DNAH10: variants seen among roughly 807,000 people sequenced by gnomAD.
The protein encoded by DNAH10 is dynein axonemal heavy chain 10.
DNAH10 carries 348 observed loss-of-function variants against 506.6 expected under a neutral mutation model. The observed-to-expected ratio is 0.69, with a 90% CI of 0.63 to 0.75. The LOEUF (loss-of-function observed/expected upper bound fraction) is 0.75, where lower values mean the gene tolerates loss of function less well. DNAH10 is among the 30% of genes least tolerant of loss of function. DNAH10 has a pLI of 0.00. For synonymous variants in DNAH10, 2,059 were observed against 2,198.6 expected, an observed-to-expected ratio of 0.94 and a Z score of 1.78; for missense variants, 5,179 against 5,787.1, an observed-to-expected ratio of 0.89 and a Z score of 3.41.
chr12:123,857,543 C>T (rs780492342), intron 37 of DNAH10, among the ~76,000 whole-genome samples: 5 of 152,086 alleles, frequency 3.3e-5, no homozygotes, highest in African/African-American at 9.7e-5. Context: ...TCCTGGCCAA[C>T]GTGGAGAAAC....
Position 123,781,305 on chromosome 12 carries a change from G to A in DNAH10, c.841+6G>A, listed in dbSNP as rs374332886. ...AACCATGCAGCAACTTGAAGGTAAG[G>A]TTTCATTTTCCTCCTTTTTAGTTAA... On this transcript the variant is annotated splice_donor_region_variant and intron_variant, in intron 6 of 78. Transcript: ENST00000673944. 68 of 1,606,466 alleles carry A rather than the reference G, an allele frequency of 4.2e-5. No homozygotes were observed. The highest frequency in any genetic ancestry group is 1.1e-5 in the South Asian group (1 of 90,246).
Position 123,866,229 on chromosome 12 carries a change from C to CTTTTTTTTTTTTTTTT in DNAH10, c.7167+172_7167+187dup, listed in dbSNP as rs71088963. ...AATAAGTGAAAACATGGCAGACACA[C>CTTTTTTTTTTTTTTTT]TTTTTTTTTTTTTTTTTTTTTTTTT... On this transcript the variant is annotated intron_variant, in intron 41 of 78. Transcript: ENST00000673944. 5.2e-5 allele frequency among the ~76,000 whole-genome samples: 3 copies of CTTTTTTTTTTTTTTTT among 58,210 alleles called. 1 individual carries two copies. The highest frequency in any genetic ancestry group is 9.3e-5 in the Non-Finnish European group (3 of 32,270). 38.2% of individuals were successfully genotyped at this position (58,210 alleles called of 152,430 possible).
chr12:123,801,014 C>G (rs1387409145), intron 15 of DNAH10, among the ~76,000 whole-genome samples: 5 of 150,510 alleles, frequency 3.3e-5, no homozygotes, highest in Admixed American at 3.3e-4. Flanking sequence ...GAGACTCCAT[C>G]TCAAAAAAAA....
intron 57 of DNAH10, among the ~76,000 whole-genome samples, chr12:123,904,494 T>C (rs777305808): frequency 6.6e-6 from 1 of 151,870 alleles, no homozygotes; most frequent in South Asian, 2.1e-4. Flanking sequence ...GAACGGTGAG[T>C]CCCTTCCATC....
chr12:123,914,935 G>T lies in DNAH10; in HGVS notation c.10658G>T (p.Cys3553Phe), dbSNP rs1440328732. ...ACCCGGGCCAGCCGCTTCCCTCTGTGTATCGACCCCCAGCAGCAGGCCCTC... is the reference window on the plus strand; with the variant it reads ...ACCCGGGCCAGCCGCTTCCCTCTGTTTATCGACCCCCAGCAGCAGGCCCTC... ...LTTRASRFPL[C>F]IDPQQQALNW... Residue 3553 changes from cysteine (C) to phenylalanine (F), a missense_variant, in exon 62 of 79, where the codon TGT becomes TTT. Transcript: ENST00000673944. 5.6e-6 allele frequency: 9 copies of T among 1,612,624 alleles called. No individual in the cohort carries two copies. Among genetic ancestry groups the T allele is most frequent in the Non-Finnish European group, 7.6e-6 (9 of 1,179,420 alleles).
At chr12:123,774,457 T>C (rs1321423326) in intron 5 of DNAH10, among the ~76,000 whole-genome samples, 193 bp downstream of exon 5, 1 of 151,972 alleles carries the variant, frequency 6.6e-6, no homozygotes, top group Non-Finnish European at 1.5e-5. Flanking sequence ...CACACAGAAA[T>C]ATAAAGGTGT....
At position 123,925,436 on chromosome 12, in the gene DNAH10, T is replaced by A. The variant is rs1954901561; in HGVS notation, c.11921+232T>A. The A allele has an allele frequency of 7.0e-6, 3 of 429,526 alleles. No individual in the cohort carries two copies. The highest frequency in any genetic ancestry group is 1.2e-5 in the Non-Finnish European group (3 of 248,960). The allele number at this position is 429,526 out of a possible 1,614,324, so 26.6% of individuals were successfully genotyped here. A position where few individuals can be genotyped will look rare whatever the true frequency, so the allele number is the denominator to read the frequency against. On this transcript the variant is annotated intron_variant, in intron 68 of 78. Transcript: ENST00000673944. The surrounding 1 kb of genome is among the most constrained non-coding windows in gnomAD (Gnocchi z 4.0). ...ATGCAGTTTCGAAAGTTCTAGTAGC[T>A]ACATTAGAAAAGAAATGGGCGCAAT...
intron 6 of DNAH10, among the ~76,000 whole-genome samples, chr12:123,782,046 G>T (rs1957673650): frequency 6.6e-6 from 1 of 152,072 alleles, no homozygotes; most frequent in South Asian, 2.1e-4. Flanking sequence ...TGAAATTCCT[G>T]CTGGATGGAT....
Position 123,835,498 on chromosome 12 carries a change from G to A in DNAH10, c.4872G>A (p.Lys1624=). The change falls in exon 28 of 79, where the codon AAG becomes AAA. Residue 1624 remains lysine, a synonymous_variant. Transcript: ENST00000673944. ...IRSQLPEEAK[K]FDNIDKVFKR... ...CACAACTTCCGGAAGAGGCAAAAAA[G>A]TTTGACAACATCGATAAAGTATTTA... The A allele has an allele frequency of 6.2e-7, 1 of 1,608,424 alleles. No homozygotes were observed. The highest frequency in any genetic ancestry group is 8.5e-7 in the Non-Finnish European group (1 of 1,177,166).
intron 21 of DNAH10, among the ~76,000 whole-genome samples, chr12:123,816,941 ATACT>A (rs1158169802): frequency 6.6e-6 from 1 of 152,140 alleles, no homozygotes; most frequent in Non-Finnish European, 1.5e-5. Context: ...CTCCTTACAA[ATACT>A]TAGTTTGTTG....
chr12:123,795,738 G>A (rs116567633), intron 12 of DNAH10, among the ~76,000 whole-genome samples: 2,196 of 152,198 alleles, frequency 0.014, 55 homozygotes, highest in African/African-American at 0.05. Flanking sequence ...TTTGGGAGGC[G>A]AGGCCATCAT....
At chr12:123,918,444 C>A (rs1000166185) in intron 64 of DNAH10, among the ~76,000 whole-genome samples, 1 of 152,218 alleles carries the variant, frequency 6.6e-6, no homozygotes, top group African/African-American at 2.4e-5. Flanking sequence ...AGGGCAGTAC[C>A]GGAGACTTAC....
intron 56 of DNAH10, 54 bp downstream of exon 56, chr12:123,898,868 A>G: frequency 6.6e-7 from 1 of 1,526,292 alleles, no homozygotes; most frequent in Non-Finnish European, 8.8e-7. Context: ...TACCCACCGT[A>G]GGTGAGTGAG....
intron 15 of DNAH10, among the ~76,000 whole-genome samples, chr12:123,800,795 GAT>G (rs1467721106): frequency 6.6e-6 from 1 of 152,120 alleles, no homozygotes; most frequent in East Asian, 1.9e-4. Flanking sequence ...GAGGCGGGCA[GAT>G]CATGAGGTCA....
chr12:123,796,572 GT>G, intron 12 of DNAH10, 83 bp from the exon 13 acceptor site: 1 of 1,300,744 alleles, frequency 7.7e-7, no homozygotes, highest in Non-Finnish European at 1.1e-6. Context: ...TCCACTTTTG[GT>G]TTCCTTAAAG....
At chr12:123,904,531 G>A (rs1192278362) in intron 57 of DNAH10, among the ~76,000 whole-genome samples, 1 of 152,118 alleles carries the variant, frequency 6.6e-6, no homozygotes, top group Non-Finnish European at 1.5e-5. Flanking sequence ...GTGGGGGGGA[G>A]CTTCCATGGG....
At chr12:123,792,199 C>G (rs1319468239) in intron 11 of DNAH10, among the ~76,000 whole-genome samples, 3 of 152,298 alleles carry the variant, frequency 2.0e-5, no homozygotes, top group Non-Finnish European at 2.9e-5. Flanking sequence ...GGAAGACCAT[C>G]ATAACTACAA....
Position 123,929,702 on chromosome 12 carries a change from C to T in DNAH10, c.12555C>T (p.Ala4185=). 1.2e-6 allele frequency: 2 copies of T among 1,613,646 alleles called. No individual in the cohort carries two copies. The highest frequency in any genetic ancestry group is 1.1e-5 in the South Asian group (1 of 90,972). ...TTCTGAACACGTACTTAACGAAAGC[C>T]TTCCAGCAACGGGACCCAAGGATCC... ...MEILNTYLTK[A]FQQRDPRIPW... is the part of the protein sequence containing the mutation. The change falls in exon 72 of 79, where the codon GCC becomes GCT. Residue 4185 remains alanine, a synonymous_variant. Coordinates refer to ENST00000673944, the MANE Select transcript of DNAH10 (RefSeq NM_001372106.1).
At position 123,897,899 on chromosome 12, in the gene DNAH10, C is replaced by T; in HGVS notation, c.9410C>T (p.Pro3137Leu). The T allele has an allele frequency of 6.2e-7, 1 of 1,610,918 alleles. No individual in the cohort carries two copies. The highest frequency in any genetic ancestry group is 8.5e-7 in the Non-Finnish European group (1 of 1,179,110). The change falls in exon 55 of 79, where the codon CCC becomes CTC. Residue 3137 changes from proline to leucine, a missense_variant. Around this residue, in one of 3 missense-constraint regions of DNAH10, gnomAD observed 4,844 missense variants for 5,430.5 expected, o/e 0.89. Transcript: ENST00000673944. ...TTGAGGCGCAGCAACTATGTCACTCCCAAGAACTACCTTGATTTTATTAAC... is the reference window on the plus strand; with the variant it reads ...TTGAGGCGCAGCAACTATGTCACTCTCAAGAACTACCTTGATTTTATTAAC... The part of the protein sequence containing the change: ...QKLRRSNYVT[P>L]KNYLDFINTY...
Sources: gnomAD v4.1 joint callset for allele counts (sites outside exome capture counted in the v4.1 genomes callset) on GRCh38, gnomAD v4.1.1 for gene constraint, gnomAD v4.1.1 regional missense constraint, Gnocchi (gnomAD v3.1) non-coding constraint, MANE v1.5 for transcripts, NCBI Gene and HGNC (gene_info 2026-07-23, HGNC 2026-07-21) for gene names.